FAM83A: variants seen among roughly 807,000 people sequenced by gnomAD.
FAM83A encodes the protein scaffolding CK1 anchoring protein A, also known as protein FAM83A.
In FAM83A, 21 loss-of-function variants were observed where a neutral mutation model predicts 24.4. The observed-to-expected ratio is 0.86, with a 90% confidence interval of 0.61 to 1.24. The LOEUF is 1.24. Among genes scored for constraint, FAM83A ranks in the 50% most tolerant of loss-of-function variants. FAM83A has a pLI of 0.00. For missense variants in FAM83A, 617 were observed against 579.8 expected, an observed-to-expected ratio of 1.06 and a Z score of -0.66; for synonymous variants, 270 against 252.4, an observed-to-expected ratio of 1.07 and a Z score of -0.66.
At chr8:123,207,435 C>T (rs745825407) in exon 4 of FAM83A, 9 of 1,607,972 alleles carry the variant, frequency 5.6e-6, no homozygotes, top group Non-Finnish European at 7.6e-6. Flanking sequence ...AGTGTGTCCG[C>T]GTCTTCAGGG....
chr8:123,203,762 C>T (rs1824446275), intron 3 of FAM83A, among the ~76,000 whole-genome samples: 1 of 151,532 alleles, frequency 6.6e-6, no homozygotes, highest in South Asian at 2.1e-4. Flanking sequence ...GGGTGGGAGA[C>T]ATAAGCAGGC....
chr8:123,183,412 T>C, intron 1 of FAM83A, 76 bp downstream of exon 1: 2 of 1,533,544 alleles, frequency 1.3e-6, no homozygotes, highest in Non-Finnish European at 1.8e-6. Flanking sequence ...GGGAGGGGGG[T>C]GCATTTTGCT....
At position 123,208,450 on chromosome 8, in the gene FAM83A, G is replaced by A. The variant is rs1305638911; in HGVS notation, c.*762G>A. On this transcript the variant is annotated 3_prime_UTR_variant, in exon 4 of 4. Coordinates refer to ENST00000690554, the Ensembl canonical transcript of FAM83A. ...GAGTCTAGACTGGACCTAGGAGCTT[G>A]AGTTGTCAGGGGCCAGGACTGGCCC... 4.1e-6 allele frequency: 4 copies of A among 985,372 alleles called. No individual in the cohort carries two copies. In the African/African-American group the frequency reaches 7.0e-5, roughly 17 times the overall value. 61.0% of individuals were successfully genotyped at this position (985,372 alleles called of 1,614,324 possible).
intron 1 of FAM83A, among the ~76,000 whole-genome samples, chr8:123,186,118 A>G (rs1466393712): frequency 6.6e-6 from 1 of 152,220 alleles, no homozygotes; most frequent in African/African-American, 2.4e-5. Flanking sequence ...GCAAACATAA[A>G]TAGCTATAAT....
intron 3 of FAM83A, among the ~76,000 whole-genome samples, chr8:123,203,806 AC>A (rs1486956119): frequency 6.6e-6 from 1 of 151,570 alleles, no homozygotes; most frequent in African/African-American, 2.4e-5. Context: ...GGTTAAAAAA[AC>A]AAAACAAAAA....
Position 123,207,712 on chromosome 8 carries a change from C to T in FAM83A, c.*24C>T, listed in dbSNP as rs770936637. ...GAAGGTCCCATCCCCTGCTGCCCTC[C>T]GCAGGCCCAGGGCTGGGCACTCCCT... On this transcript the variant is annotated 3_prime_UTR_variant, in exon 4 of 4. Coordinates refer to ENST00000690554, the Ensembl canonical transcript of FAM83A. 1.0e-5 allele frequency: 15 copies of T among 1,448,418 alleles called. No individual in the cohort carries two copies. The Admixed American group carries it at 1.1e-4, about 11-fold the overall frequency. The allele number at this position is 1,448,418 out of a possible 1,614,324, so 89.7% of individuals were successfully genotyped here. A position where few individuals can be genotyped will look rare whatever the true frequency, so the allele number is the denominator to read the frequency against.
intron 3 of FAM83A, 76 bp from the exon 4 acceptor site, chr8:123,207,081 C>T: frequency 1.8e-6 from 1 of 547,390 alleles, no homozygotes; most frequent in South Asian, 4.2e-5. Flanking sequence ...TCTTCCTCCC[C>T]TCCCCCTCCT....
At chr8:123,194,928 A>T (rs911605080) in intron 3 of FAM83A, among the ~76,000 whole-genome samples, 10 of 152,180 alleles carry the variant, frequency 6.6e-5, no homozygotes, top group Admixed American at 2.0e-4. Context: ...CATCCAAATG[A>T]CTGACCACCC....
intron 1 of FAM83A, among the ~76,000 whole-genome samples, chr8:123,189,084 G>C (rs1823893053): frequency 6.6e-6 from 1 of 152,242 alleles, no homozygotes; most frequent in South Asian, 2.1e-4. Flanking sequence ...TCAATACCTT[G>C]GAAGAGGAGG....
intron 1 of FAM83A, among the ~76,000 whole-genome samples, chr8:123,190,171 A>G (rs1473313687): frequency 1.3e-5 from 2 of 152,180 alleles, no homozygotes; most frequent in Non-Finnish European, 2.9e-5. Context: ...TACAGAAAAA[A>G]AATGAAAGAG....
rs758353874 is a variant in FAM83A at position 123,207,254 on chromosome 8, G to A, written c.871G>A (p.Ala291Thr). The change falls in exon 4 of 4, where the codon GCC becomes ACC. Residue 291 changes from alanine to threonine, a missense_variant. Coordinates refer to ENST00000690554, the Ensembl canonical transcript of FAM83A. ...TGACGAGGAGTTCCGCCACCTCTAC[G>A]CCTCCTCCAAGCCTGTGATGGGCCT... The A allele has an allele frequency of 1.4e-5, 22 of 1,612,568 alleles. No individual in the cohort carries two copies. The South Asian group carries it at 2.2e-4, about 16-fold the overall frequency.
intron 3 of FAM83A, 29 bp from the exon 4 acceptor site, chr8:123,207,128 C>T (rs2131110486): frequency 1.5e-6 from 2 of 1,325,410 alleles, no homozygotes; most frequent in Non-Finnish European, 2.0e-6. Flanking sequence ...CCCTTCTCCT[C>T]CATCACTCTC....
exon 3 of FAM83A, chr8:123,194,118 A>T (rs775158207): frequency 1.9e-6 from 3 of 1,614,098 alleles, no homozygotes; most frequent in South Asian, 1.1e-5. Flanking sequence ...ATCATCTCGG[A>T]CTGGAGATTT....
intron 1 of FAM83A, among the ~76,000 whole-genome samples, chr8:123,186,664 T>C (rs1178387865): frequency 6.6e-6 from 1 of 152,102 alleles, no homozygotes; most frequent in Non-Finnish European, 1.5e-5. Flanking sequence ...ACCCCGTCCC[T>C]ACTAAAAATA....
intron 3 of FAM83A, among the ~76,000 whole-genome samples, chr8:123,195,322 C>G (rs1046350607): frequency 6.6e-6 from 1 of 152,062 alleles, no homozygotes; most frequent in Non-Finnish European, 1.5e-5. Context: ...AGCAGGAGCC[C>G]GCAATGCTGT....
intron 3 of FAM83A, among the ~76,000 whole-genome samples, chr8:123,203,695 C>A (rs1395724802): frequency 1.3e-5 from 2 of 151,348 alleles, no homozygotes; most frequent in African/African-American, 4.9e-5. Context: ...AAGATGCACA[C>A]CCCTGACAGA....
At chr8:123,189,913 T>G (rs1027905660) in intron 1 of FAM83A, among the ~76,000 whole-genome samples, 1 of 152,248 alleles carries the variant, frequency 6.6e-6, no homozygotes, top group Non-Finnish European at 1.5e-5. Flanking sequence ...TTTTATTTTC[T>G]GGGTTCACAT....
chr8:123,208,042 G>A, exon 4 of FAM83A: 1 of 1,084,624 alleles, frequency 9.2e-7, no homozygotes, highest in Non-Finnish European at 1.1e-6. Context: ...TGCAGCCCAA[G>A]TTTTACAAAT....
chr8:123,181,538 C>T (rs1371137665), upstream of FAM83A: 2 of 154,964 alleles, frequency 1.3e-5, no homozygotes, highest in Non-Finnish European at 2.9e-5. Flanking sequence ...TGCCTGAAGG[C>T]TTTCTCTGGG....
Sources: gnomAD v4.1 joint callset for allele counts (sites outside exome capture counted in the v4.1 genomes callset) on GRCh38, gnomAD v4.1.1 for gene constraint, MANE v1.5 for transcripts, NCBI Gene and HGNC (gene_info 2026-07-23, HGNC 2026-07-21) for gene names.